Variants in ZNF875 observed in about 807,000 individuals in gnomAD.
The protein encoded by ZNF875 is HKR1, GLI-Kruppel zinc finger family member.
Under a neutral mutation model 11.2 loss-of-function variants are expected in ZNF875, and 14 were observed. That is an observed-to-expected ratio of 1.26 (90% confidence interval 0.83 to 1.96). The LOEUF (loss-of-function observed/expected upper bound fraction) is 1.96. Among genes scored for constraint, ZNF875 ranks in the 30% most tolerant of loss-of-function variants. The pLI is 0.00. For synonymous variants in ZNF875, 301 were observed against 281.1 expected (o/e 1.07, Z -0.71); for missense variants, 752 against 760.4 (o/e 0.99, Z 0.13).
chr19:37,348,996 G>T (rs929646609), intron 4 of ZNF875, among the ~76,000 whole-genome samples: 2 of 152,188 alleles, frequency 1.3e-5, no homozygotes, highest in African/African-American at 4.8e-5. Context: ...TGTTGGTAGG[G>T]TTGGTTCCTT....
upstream of ZNF875, chr19:37,334,540 A>C: frequency 2.7e-6 from 1 of 367,430 alleles, no homozygotes; most frequent in Non-Finnish European, 5.4e-6. Context: ...GTGGTGGGCA[A>C]AGCCGACTTC....
At chr19:37,350,771 C>CTGTTTCCCA (rs1555807264) in intron 4 of ZNF875, among the ~76,000 whole-genome samples, 1 of 145,396 alleles carries the variant, frequency 6.9e-6, no homozygotes, top group Non-Finnish European at 1.5e-5. Flanking sequence ...AACTACTGAT[C>CTGTTTCCCA]TGTTCCCCAT....
chr19:37,318,393 T>C (rs1243284827), intron 1 of ZNF875, among the ~76,000 whole-genome samples: 1 of 152,226 alleles, frequency 6.6e-6, no homozygotes, highest in Non-Finnish European at 1.5e-5. Context: ...TATTATTTAG[T>C]GGACTGTCTC....
chr19:37,349,930 C>T (rs2037509383), intron 4 of ZNF875, among the ~76,000 whole-genome samples: 1 of 150,584 alleles, frequency 6.6e-6, no homozygotes, highest in Admixed American at 6.6e-5. Flanking sequence ...GCTGGGATTA[C>T]AGACGTGAGC....
At chr19:37,316,264 A>G (rs1222860448), upstream of ZNF875, among the ~76,000 whole-genome samples, 1 of 152,214 alleles carries the variant, frequency 6.6e-6, no homozygotes, top group Non-Finnish European at 1.5e-5. Flanking sequence ...AAACGTGCAC[A>G]TTGTCCTAGG....
intron 4 of ZNF875, among the ~76,000 whole-genome samples, chr19:37,354,258 CCCCTCCCCTCCCCT>C: frequency 2.8e-5 from 2 of 72,326 alleles, no homozygotes; most frequent in East Asian, 5.9e-4. Flanking sequence ...CCCCTCCCCT[CCCCTCCCCTCCCCT>C]CCCCTCCCCT....
chr19:37,328,979 A>T (rs1278177021), intron 4 of ZNF875: 1 of 152,174 alleles, frequency 6.6e-6, no homozygotes, highest in African/African-American at 2.4e-5. Flanking sequence ...CATGCTGGAA[A>T]TACAGATTCA....
At chr19:37,337,876 G>C (rs1022850401) in intron 2 of ZNF875, 4 of 152,266 alleles carry the variant, frequency 2.6e-5, no homozygotes, top group African/African-American at 9.6e-5. Flanking sequence ...GGTTAACTTG[G>C]TTATTTCAGA....
chr19:37,343,211 C>A (rs1240791905), intron 2 of ZNF875, among the ~76,000 whole-genome samples: 2 of 152,006 alleles, frequency 1.3e-5, no homozygotes, highest in African/African-American at 4.8e-5. Flanking sequence ...GTGGTACACA[C>A]CTGTAGTCCC....
chr19:37,330,575 C>CT (rs2033220602), upstream of ZNF875, among the ~76,000 whole-genome samples: 1 of 152,112 alleles, frequency 6.6e-6, no homozygotes, highest in African/African-American at 2.4e-5. Flanking sequence ...TCCTGTTATT[C>CT]TGTTGGTTTT....
intron 4 of ZNF875, among the ~76,000 whole-genome samples, chr19:37,326,997 A>T (rs2032564500): frequency 1.4e-5 from 2 of 144,404 alleles, no homozygotes; most frequent in South Asian, 2.2e-4. Flanking sequence ...TATTATTATA[A>T]TTTTTTTTTT....
At chr19:37,331,186 CAAAAAA>C (rs71177440), upstream of ZNF875, among the ~76,000 whole-genome samples, 7 of 74,778 alleles carry the variant, frequency 9.4e-5, no homozygotes, top group African/African-American at 3.8e-4. Context: ...GACTCTGTCT[CAAAAAA>C]AAAAAAAAAA....
At chr19:37,343,768 G>A (rs2036239152) in intron 2 of ZNF875, among the ~76,000 whole-genome samples, 2 of 152,114 alleles carry the variant, frequency 1.3e-5, no homozygotes, top group Admixed American at 6.6e-5. Context: ...TAATTTAGGA[G>A]GAGACTGCAT....
At chr19:37,357,706 C>G (rs1241056118) in intron 4 of ZNF875, among the ~76,000 whole-genome samples, 2 of 151,574 alleles carry the variant, frequency 1.3e-5, no homozygotes, top group African/African-American at 4.9e-5. Flanking sequence ...TGGAACTTTA[C>G]TGAATTTTTT....
Position 37,347,206 on chromosome 19 carries a change from G to A in ZNF875, c.50G>A (p.Arg17Lys). The change falls in exon 3 of 5, where the codon AGG (arginine) becomes AAG (lysine). Residue 17 changes from arginine (R) to lysine (K), a missense_variant. By Grantham distance (26) the Arg-to-Lys change is conservative. Coordinates refer to ENST00000392153, the MANE Select transcript of ZNF875 (RefSeq NM_001353803.2). The part of the protein sequence containing the change: ...RAKKEAFVAF[R>K]DVAVYFTQEE... The stretch of plus-strand genomic sequence containing the variant: ...GTGTTAAAGGCGTTCGTGGCATTCA[G>A]GGATGTGGCTGTGTACTTCACCCAG... 6.2e-7 allele frequency: 1 copy of A among 1,614,094 alleles called. No homozygotes were observed. The highest frequency in any genetic ancestry group is 8.5e-7 in the Non-Finnish European group (1 of 1,180,004).
rs191838075 is a variant in ZNF875 at position 37,347,640 on chromosome 19, C to G, written c.161-137C>G. 3.2e-3 allele frequency: 2,045 copies of G among 640,048 alleles called. 22 individuals are homozygous for G. Among genetic ancestry groups the G allele is most frequent in the Non-Finnish European group, 1.9e-3 (684 of 356,708 alleles). The allele number at this position is 640,048 out of a possible 1,614,324, so 39.6% of individuals were successfully genotyped here. A position where few individuals can be genotyped will look rare whatever the true frequency, so the allele number is the denominator to read the frequency against. ...ACTGGAGTCACCTTTCCTTAGTCAA[C>G]CCTTCTACTTCAGAGAGAGAACTAT... On this transcript the variant is annotated intron_variant, in intron 3 of 4. Transcript: ENST00000392153.
intron 2 of ZNF875, among the ~76,000 whole-genome samples, chr19:37,338,263 C>T (rs1486336667): frequency 6.6e-6 from 1 of 152,226 alleles, no homozygotes; most frequent in African/African-American, 2.4e-5. Flanking sequence ...GCTGGGATTA[C>T]AGGTGCATGC....
intron 1 of ZNF875, 135 bp downstream of exon 1, chr19:37,334,917 C>T (rs1378914429): frequency 4.4e-6 from 2 of 454,812 alleles, no homozygotes; most frequent in Non-Finnish European, 8.5e-6. Flanking sequence ...TCCTTTCATT[C>T]GAGCCCACAG....
At chr19:37,316,761 C>T (rs2030225606), upstream of ZNF875, among the ~76,000 whole-genome samples, 1 of 151,940 alleles carries the variant, frequency 6.6e-6, no homozygotes, top group Non-Finnish European at 1.5e-5. Flanking sequence ...CTCCCGGGTT[C>T]AAGCGATTCT....
Sources: gnomAD v4.1 joint callset for allele counts (sites outside exome capture counted in the v4.1 genomes callset) on GRCh38, gnomAD v4.1.1 for gene constraint, MANE v1.5 for transcripts, NCBI Gene and HGNC (gene_info 2026-07-23, HGNC 2026-07-21) for gene names.